The following TBX15 variants were observed in gnomAD, a reference collection of about 807,000 sequenced individuals.
TBX15 encodes the protein T-box transcription factor 15, also known as T-box transcription factor TBX15.
TBX15 carries 18 observed loss-of-function variants against 53.9 expected under a neutral mutation model. The ratio of observed to expected loss-of-function variants is 0.33; its 90% CI spans 0.23 to 0.49. The LOEUF is 0.49. TBX15 is among the 20% of genes least tolerant of loss of function. TBX15 has a pLI of 0.98. For missense variants in TBX15, 692 were observed against 749.5 expected (o/e 0.92, Z 0.90); for synonymous variants, 295 against 278.0 (o/e 1.06, Z -0.61).
Position 118,931,816 on chromosome 1 carries a change from A to T in TBX15, c.222T>A (p.Thr74=). 1 of 1,581,772 alleles carries T rather than the reference A, an allele frequency of 6.3e-7. No individual in the cohort carries two copies. Among genetic ancestry groups the T allele is most frequent in the Non-Finnish European group, 8.6e-7 (1 of 1,161,544 alleles). Residue 74 remains threonine (T), a synonymous_variant, in exon 2 of 8, where the codon ACT becomes ACA. Transcript: ENST00000369429. ...CAGTGAGGACCTCAGAATCTGAACC[A>T]GTGCTCTGCTCAGAATCTGCAAAAT... ...LEPHPDSEQS[T]GSDSEVLTER...
chr1:118,893,361 GAAA>G (rs762885389), intron 7 of TBX15, among the ~76,000 whole-genome samples: 3,712 of 54,050 alleles, frequency 0.069, 164 homozygotes, highest in East Asian at 0.083. Context: ...AGGAAGGAAA[GAAA>G]GAAAGAAAGA....
At chr1:118,917,199 A>C (rs928407575) in intron 5 of TBX15, among the ~76,000 whole-genome samples, 4 of 152,244 alleles carry the variant, frequency 2.6e-5, no homozygotes, top group African/African-American at 9.6e-5. Context: ...CTGGATAAAG[A>C]AAATGTGATA....
chr1:118,890,498 G>A (rs558576314), intron 7 of TBX15, among the ~76,000 whole-genome samples: 10 of 152,128 alleles, frequency 6.6e-5, no homozygotes, highest in African/African-American at 2.4e-4. Flanking sequence ...TTTTACCCAT[G>A]GGCCAATATG....
At chr1:118,966,704 T>A (rs1657044362) in intron 1 of TBX15, among the ~76,000 whole-genome samples, 1 of 152,252 alleles carries the variant, frequency 6.6e-6, no homozygotes, top group Non-Finnish European at 1.5e-5. Flanking sequence ...CTGGCTGTGA[T>A]CTTGCTTAAG....
At chr1:118,977,675 C>T (rs2101048308) in intron 1 of TBX15, among the ~76,000 whole-genome samples, 1 of 152,282 alleles carries the variant, frequency 6.6e-6, no homozygotes, top group Admixed American at 6.5e-5. Flanking sequence ...CACTAGAAAC[C>T]CTCCTAGGTG....
chr1:118,891,050 C>A, intron 7 of TBX15: 3 of 631,780 alleles, frequency 4.7e-6, no homozygotes, highest in South Asian at 2.0e-5. Context: ...GTTTAATGAG[C>A]ACAGCACTGT....
intron 1 of TBX15, among the ~76,000 whole-genome samples, chr1:118,947,747 G>A (rs1462761894): frequency 6.6e-6 from 1 of 152,170 alleles, no homozygotes; most frequent in Non-Finnish European, 1.5e-5. Flanking sequence ...CATTAGAGAT[G>A]AGGAAACTGA....
Position 118,948,997 on chromosome 1 carries a change from A to G in TBX15, c.206-17165T>C, listed in dbSNP as rs558046477. Among the ~76,000 whole-genome samples the G allele has an allele frequency of 2.6e-5, 4 of 152,332 alleles. No individual in the cohort carries two copies. In the South Asian group the frequency reaches 8.3e-4, roughly 32 times the overall value. ...GTCAGTGTGGACCAGGATAAAATAT[A>G]TCCTCTTAGGAAGGGAGAGCAAATG... is the stretch of plus-strand genomic sequence containing the variant. On this transcript the variant is annotated intron_variant, in intron 1 of 7. Coordinates refer to ENST00000369429, the MANE Select transcript of TBX15 (RefSeq NM_001330677.2).
chr1:118,921,862 T>C (rs1655435096), intron 5 of TBX15, among the ~76,000 whole-genome samples: 1 of 152,214 alleles, frequency 6.6e-6, no homozygotes, highest in Non-Finnish European at 1.5e-5. Flanking sequence ...GACGTACTGA[T>C]TGTTCTCATT....
intron 1 of TBX15, among the ~76,000 whole-genome samples, chr1:118,982,369 A>C (rs1657679139): frequency 6.6e-6 from 1 of 152,188 alleles, no homozygotes; most frequent in Non-Finnish European, 1.5e-5. Flanking sequence ...TTTTTTTGGC[A>C]ATAGAACGAT....
intron 6 of TBX15, among the ~76,000 whole-genome samples, chr1:118,912,464 C>A (rs551792511): frequency 2.0e-5 from 3 of 152,264 alleles, no homozygotes; most frequent in African/African-American, 7.2e-5. Flanking sequence ...AAAGCCCTTG[C>A]ATGCCATGGC....
At chr1:118,944,502 C>T (rs1478723103) in intron 1 of TBX15, among the ~76,000 whole-genome samples, 1 of 152,208 alleles carries the variant, frequency 6.6e-6, no homozygotes, top group African/African-American at 2.4e-5. Flanking sequence ...GTCAGAATGA[C>T]CCTTGAAGAG....
intron 1 of TBX15, among the ~76,000 whole-genome samples, chr1:118,954,881 C>T (rs1298000508): frequency 6.6e-6 from 1 of 152,148 alleles, no homozygotes; most frequent in Non-Finnish European, 1.5e-5. Flanking sequence ...GAGCATACCC[C>T]TCAAGTTCCT....
intron 6 of TBX15, among the ~76,000 whole-genome samples, chr1:118,903,533 C>T (rs924158358): frequency 3.3e-5 from 5 of 151,862 alleles, no homozygotes; most frequent in African/African-American, 1.2e-4. Flanking sequence ...TGTTTATTTT[C>T]TCTTTAGTTC....
rs1434706764 is a variant in TBX15 at position 118,885,282 on chromosome 1, C to T, written c.1259G>A (p.Gly420Asp). The T allele has an allele frequency of 6.2e-7, 1 of 1,614,116 alleles. No homozygotes were observed. ...LQSYPGLSDSGYNRLQSGTTS... is the reference protein window; with the variant it reads ...LQSYPGLSDSDYNRLQSGTTS... ...GGTGCCACTCTGAAGCCTGTTGTAG[C>T]CACTGTCACTCAGCCCTGGGTAGCT... is the stretch of plus-strand genomic sequence containing the variant. The change falls in exon 8 of 8, where the codon GGC (glycine) becomes GAC (aspartate). Residue 420 changes from glycine (G) to aspartate (D), a missense_variant. By Grantham distance (94) the Gly-to-Asp change is moderately conservative (BLOSUM62 -1). Around this residue, in one of 3 missense-constraint regions of TBX15, gnomAD observed 375 missense variants for 371.6 expected, o/e 1.01. Coordinates refer to ENST00000369429, the MANE Select transcript of TBX15 (RefSeq NM_001330677.2).
At chr1:118,893,517 A>AGAAG (rs1453743727) in intron 7 of TBX15, among the ~76,000 whole-genome samples, 1 of 136,238 alleles carries the variant, frequency 7.3e-6, no homozygotes, top group African/African-American at 3.0e-5. Context: ...AAAGAAAGAA[A>AGAAG]GAAAGAAAGA....
At chr1:118,905,573 C>T (rs1000065747) in intron 6 of TBX15, among the ~76,000 whole-genome samples, 2 of 152,220 alleles carry the variant, frequency 1.3e-5, no homozygotes, top group African/African-American at 4.8e-5. Flanking sequence ...ACAGGGCCAG[C>T]TACCTTGAAT....
intron 5 of TBX15, among the ~76,000 whole-genome samples, chr1:118,922,780 T>C (rs1207289565): frequency 6.6e-6 from 1 of 152,220 alleles, no homozygotes; most frequent in Non-Finnish European, 1.5e-5. Flanking sequence ...AAGTGAGTTG[T>C]AGCTTTCTAG....
intron 6 of TBX15, among the ~76,000 whole-genome samples, chr1:118,907,876 G>T (rs1249554596): frequency 6.6e-6 from 1 of 152,098 alleles, no homozygotes; most frequent in Non-Finnish European, 1.5e-5. Flanking sequence ...AAGCTCGCAG[G>T]CACTGAAAAT....
Sources: allele counts gnomAD v4.1 joint callset (sites outside exome capture counted in the v4.1 genomes callset), GRCh38; gene constraint gnomAD v4.1.1; regional missense constraint gnomAD v4.1.1; transcripts MANE v1.5; gene names NCBI Gene and HGNC (gene_info 2026-07-23, HGNC 2026-07-21).